DNAJA3: variants seen among roughly 807,000 people sequenced by gnomAD.
The protein encoded by DNAJA3 is DnaJ heat shock protein family (Hsp40) member A3.
A neutral mutation model predicts 54.9 loss-of-function variants in DNAJA3; 29 were observed. The ratio of observed to expected loss-of-function variants is 0.53; its 90% CI spans 0.39 to 0.72. DNAJA3 has a LOEUF of 0.72. DNAJA3 is among the 30% of genes least tolerant of loss of function. The probability of loss-of-function intolerance (pLI) is 0.00; values close to 1 mark genes in which losing one functional copy is unlikely to be tolerated. For synonymous variants in DNAJA3, 302 were observed against 251.4 expected, an observed-to-expected ratio of 1.20 and a Z score of -1.90; for missense variants, 708 against 639.4, an observed-to-expected ratio of 1.11 and a Z score of -1.16.
At chr16:4,449,314 G>A (rs2141392975) in intron 9 of DNAJA3, among the ~76,000 whole-genome samples, 1 of 152,202 alleles carries the variant, frequency 6.6e-6, no homozygotes, top group East Asian at 1.9e-4. Context: ...CGACTTCTTG[G>A]AGTTGTTGGG....
At chr16:4,445,642 C>T (rs2056893294) in intron 7 of DNAJA3, among the ~76,000 whole-genome samples, 1 of 152,178 alleles carries the variant, frequency 6.6e-6, no homozygotes, top group Non-Finnish European at 1.5e-5. Context: ...CCTCAGACTC[C>T]CTGGGCTCAG....
chr16:4,452,241 G>A (rs1006012550), intron 10 of DNAJA3, among the ~76,000 whole-genome samples: 2 of 151,912 alleles, frequency 1.3e-5, no homozygotes, highest in African/African-American at 2.4e-5. Context: ...GCTATTCCCC[G>A]GAACTCTAAT....
intron 3 of DNAJA3, 182 bp downstream of exon 3, chr16:4,437,667 C>G (rs1167755060): frequency 6.9e-6 from 4 of 580,000 alleles, no homozygotes; most frequent in Non-Finnish European, 1.2e-5. Context: ...CATGGTGGCT[C>G]ACTCCTGTAG....
At position 4,438,316 on chromosome 16, in the gene DNAJA3, CAAAAA is replaced by C. The variant is rs200357632; in HGVS notation, c.429+841_429+845del. 1.7e-4 allele frequency among the ~76,000 whole-genome samples: 19 copies of C among 114,940 alleles called. No individual in the cohort carries two copies. In the East Asian group the frequency reaches 4.7e-3, roughly 28 times the overall value. The allele number at this position is 114,940 out of a possible 152,430, so 75.4% of individuals were successfully genotyped here. Reference sequence around the variant, plus strand: ...TGGGCGACAGAGCAAGACCCCGTCTCAAAAAAAAAAAAAAGAACAGGATCCAATAA... The same window carrying C: ...TGGGCGACAGAGCAAGACCCCGTCTCAAAAAAAAAGAACAGGATCCAATAA... On this transcript the variant is annotated intron_variant, in intron 3 of 11. Coordinates refer to ENST00000262375, the MANE Select transcript of DNAJA3 (RefSeq NM_005147.6).
chr16:4,437,069 C>G (rs911575805), intron 2 of DNAJA3, among the ~76,000 whole-genome samples: 2 of 152,202 alleles, frequency 1.3e-5, no homozygotes, highest in South Asian at 2.1e-4. Context: ...CTCCCAGGTT[C>G]AAGTGATTCT....
intron 9 of DNAJA3, 98 bp downstream of exon 9, chr16:4,448,946 C>A: frequency 1.2e-6 from 1 of 821,674 alleles, no homozygotes; most frequent in South Asian, 1.5e-5. Context: ...CCCTGTAAGT[C>A]AGGTGGTTCC....
At chr16:4,437,970 T>TA (rs1002119486) in intron 3 of DNAJA3, among the ~76,000 whole-genome samples, 168 of 142,702 alleles carry the variant, frequency 1.2e-3, no homozygotes, top group African/African-American at 3.4e-3. Context: ...AATAAAAAAT[T>TA]AAAAAAAAAA....
At position 4,455,741 on chromosome 16, in the gene DNAJA3, G is replaced by C. The variant is rs945263525; in HGVS notation, c.*209G>C. 5.7e-6 allele frequency: 4 copies of C among 700,982 alleles called. No homozygotes were observed. The highest frequency in any genetic ancestry group is 1.8e-5 in the African/African-American group (1 of 55,850). 43.4% of individuals were successfully genotyped at this position (700,982 alleles called of 1,614,324 possible). On this transcript the variant is annotated 3_prime_UTR_variant, in exon 12 of 12. Transcript: ENST00000262375. The stretch of plus-strand genomic sequence containing the variant: ...TCACAGTGGACAGCCCGGGCAGTAG[G>C]ATGCAGCCCCAGAGGCTGGTGGCAG...
At chr16:4,433,018 C>G (rs1228415392) in intron 1 of DNAJA3, among the ~76,000 whole-genome samples, 1 of 147,812 alleles carries the variant, frequency 6.8e-6, no homozygotes, top group Non-Finnish European at 1.5e-5. Context: ...GGCAGGCGCC[C>G]GTAGTCCCAG....
Position 4,456,404 on chromosome 16 carries a change from T to TA in DNAJA3, c.*873dup, listed in dbSNP as rs1287155945. 9 of 152,650 alleles carry TA rather than the reference T, an allele frequency of 5.9e-5. No homozygotes were observed. Among genetic ancestry groups the TA allele is most frequent in the African/African-American group, 1.9e-4 (8 of 41,590 alleles). 9.5% of individuals were successfully genotyped at this position (152,650 alleles called of 1,614,324 possible). ...TAGTCAGGGGCTTGGTTCTCCCACTTACACTGTTGACATCTATTTTCTGAA... is the reference window on the plus strand; with the variant it reads ...TAGTCAGGGGCTTGGTTCTCCCACTTAACACTGTTGACATCTATTTTCTGAA... On this transcript the variant is annotated 3_prime_UTR_variant, in exon 12 of 12. Coordinates refer to ENST00000262375, the MANE Select transcript of DNAJA3 (RefSeq NM_005147.6).
chr16:4,436,600 G>T (rs972403082), intron 2 of DNAJA3, among the ~76,000 whole-genome samples: 4 of 151,834 alleles, frequency 2.6e-5, no homozygotes, highest in East Asian at 3.9e-4. Flanking sequence ...CAGTGGTGCA[G>T]TCTTGGCTCA....
At chr16:4,447,241 C>A in intron 8 of DNAJA3, 1 of 546,324 alleles carries the variant, frequency 1.8e-6, no homozygotes, top group East Asian at 3.2e-5. Flanking sequence ...GCATCACTCC[C>A]ACACTGGTTA....
In DNAJA3 at chr16:4,442,340, A is replaced by G. The variant is rs2056846519; in HGVS notation, c.703A>G (p.Thr235Ala). Residue 235 changes from threonine (T) to alanine (A), a missense_variant, in exon 5 of 12, where the codon ACG (threonine) becomes GCG (alanine). By Grantham distance (58) the Thr-to-Ala change is moderately conservative. Transcript: ENST00000262375. ...NKEFTVNIMD[T>A]CERCNGKGNE... The stretch of plus-strand genomic sequence containing the variant: ...GGAGTTCACCGTGAACATCATGGAC[A>G]CGTGTGAGCGCTGCAACGGCAAGGG... 6.2e-7 allele frequency: 1 copy of G among 1,609,562 alleles called. No individual in the cohort carries two copies. Among genetic ancestry groups the G allele is most frequent in the Non-Finnish European group, 8.5e-7 (1 of 1,177,914 alleles).
At chr16:4,444,292 G>A (rs1347420887) in intron 6 of DNAJA3, among the ~76,000 whole-genome samples, 1 of 151,802 alleles carries the variant, frequency 6.6e-6, no homozygotes, top group Admixed American at 6.6e-5. Context: ...GGTGGAAAGT[G>A]CTGTGGGAGG....
Position 4,455,678 on chromosome 16 carries a change from A to C in DNAJA3, c.*146A>C. The C allele has an allele frequency of 1.6e-6, 2 of 1,286,210 alleles. No individual in the cohort carries two copies. The highest frequency in any genetic ancestry group is 2.2e-6 in the Non-Finnish European group (2 of 909,724). The allele number at this position is 1,286,210 out of a possible 1,614,324, so 79.7% of individuals were successfully genotyped here. ...AGAGCCTCTGGACGGCCTTGGCAAC[A>C]GCAAAATCATGGGACAACACCTCTC... On this transcript the variant is annotated 3_prime_UTR_variant, in exon 12 of 12. Transcript: ENST00000262375.
intron 8 of DNAJA3, 174 bp downstream of exon 8, chr16:4,447,188 C>T (rs2056913195): frequency 4.3e-6 from 3 of 693,086 alleles, no homozygotes; most frequent in Non-Finnish European, 4.7e-6. Flanking sequence ...CCACAAGCCA[C>T]AGGCCTTGAG....
chr16:4,429,064 A>G (rs576048572), intron 1 of DNAJA3, among the ~76,000 whole-genome samples: 2 of 149,660 alleles, frequency 1.3e-5, no homozygotes, highest in Non-Finnish European at 3.0e-5. Flanking sequence ...AATTTTTTGT[A>G]TTTTTAGTAG....
intron 10 of DNAJA3, among the ~76,000 whole-genome samples, 189 bp downstream of exon 10, chr16:4,450,686 C>T (rs1167400189): frequency 6.6e-6 from 1 of 152,166 alleles, no homozygotes; most frequent in African/African-American, 2.4e-5. Context: ...GTCCAAGCTT[C>T]GCCTCCTCTC....
In DNAJA3 at chr16:4,425,927, A is replaced by G. The variant is rs2056614878; in HGVS notation, c.46A>G (p.Thr16Ala). 1 of 1,550,360 alleles carries G rather than the reference A, an allele frequency of 6.5e-7. No homozygotes were observed. Among genetic ancestry groups the G allele is most frequent in the Admixed American group, 1.9e-5 (1 of 51,296 alleles). Reference sequence around the variant, plus strand: ...ACGCTGGTTGCTGGTGGTTGTGGGGACCCCGCGGCTGCCGGCTATATCGGG... The same window carrying G: ...ACGCTGGTTGCTGGTGGTTGTGGGGGCCCCGCGGCTGCCGGCTATATCGGG... Reference protein sequence around the residue: ...STRWLLVVVGTPRLPAISGRG... With the variant: ...STRWLLVVVGAPRLPAISGRG... Residue 16 changes from threonine to alanine, a missense_variant, in exon 1 of 12, where the codon ACC (threonine) becomes GCC (alanine). By Grantham distance (58) the Thr-to-Ala change is moderately conservative. Coordinates refer to ENST00000262375, the MANE Select transcript of DNAJA3 (RefSeq NM_005147.6).
Sources: allele counts gnomAD v4.1 joint callset (sites outside exome capture counted in the v4.1 genomes callset), GRCh38; gene constraint gnomAD v4.1.1; transcripts MANE v1.5; gene names NCBI Gene and HGNC (gene_info 2026-07-23, HGNC 2026-07-21).